Variants in LIMS1 observed in about 807,000 individuals in gnomAD.
LIMS1 encodes the protein LIM zinc finger domain containing 1.
Under a neutral mutation model 44.1 loss-of-function variants are expected in LIMS1, and 18 were observed. The observed-to-expected ratio is 0.41, with a 90% CI of 0.28 to 0.61. The LOEUF (loss-of-function observed/expected upper bound fraction) is 0.61. Ranked by LOEUF, LIMS1 falls within the 20% of genes least tolerant of loss-of-function variation. LIMS1 has a pLI of 0.32. For synonymous variants in LIMS1, 93 were observed against 149.1 expected (o/e 0.62, Z 2.74); for missense variants, 201 against 422.0 (o/e 0.48, Z 4.59).
intron 9 of LIMS1, among the ~76,000 whole-genome samples, chr2:108,681,903 A>T (rs1693026768): frequency 6.6e-6 from 1 of 152,106 alleles, no homozygotes. Context: ...AAAAAAAAAA[A>T]AATCTTTCAG....
At chr2:108,634,410 CAG>C (rs1256066296) in intron 1 of LIMS1, among the ~76,000 whole-genome samples, 1 of 152,198 alleles carries the variant, frequency 6.6e-6, no homozygotes, top group Non-Finnish European at 1.5e-5. Flanking sequence ...CATTTTGTAA[CAG>C]AAATTGTCCA....
intron 1 of LIMS1, among the ~76,000 whole-genome samples, chr2:108,596,288 A>G (rs1558801764): frequency 6.6e-6 from 1 of 152,242 alleles, no homozygotes; most frequent in Non-Finnish European, 1.5e-5. Flanking sequence ...GCTGTCTTTA[A>G]TTTCCAAAGG....
chr2:108,661,205 G>A (rs1319837401), intron 2 of LIMS1, among the ~76,000 whole-genome samples: 1 of 144,194 alleles, frequency 6.9e-6, no homozygotes, highest in Non-Finnish European at 1.5e-5. Context: ...TAAGGGTTTG[G>A]GTTAAGGAAT....
At chr2:108,566,400 T>G (rs1685290118) in intron 1 of LIMS1, among the ~76,000 whole-genome samples, 1 of 152,186 alleles carries the variant, frequency 6.6e-6, no homozygotes, top group Non-Finnish European at 1.5e-5. Flanking sequence ...TTCAGATCAC[T>G]TTTAAGATAT....
chr2:108,597,055 C>T (rs1370279838), intron 1 of LIMS1, among the ~76,000 whole-genome samples: 5 of 149,846 alleles, frequency 3.3e-5, no homozygotes, highest in Admixed American at 6.7e-5. Flanking sequence ...ATTACAGGCA[C>T]GTACCACCAC....
intron 1 of LIMS1, among the ~76,000 whole-genome samples, chr2:108,551,941 G>GTT (rs1330714338): frequency 2.2e-5 from 2 of 92,660 alleles, no homozygotes; most frequent in Non-Finnish European, 4.4e-5. Context: ...GTGTGTGTGT[G>GTT]TGTGTGTGTG....
rs571686208 is a variant in LIMS1 at position 108,540,399 on chromosome 2, C to T, written c.32+5805C>T. ...ATTTTTAGTAAAGACGGAGTTTCAC[C>T]GTGTTAGCCAGGATGGTCTCTACCT... On this transcript the variant is annotated intron_variant, in intron 1 of 9. Transcript: ENST00000544547. 4.6e-5 allele frequency among the ~76,000 whole-genome samples: 7 copies of T among 152,094 alleles called. No individual in the cohort carries two copies. The South Asian group carries it at 6.2e-4, about 14-fold the overall frequency.
At chr2:108,677,669 G>C (rs1049737840) in intron 7 of LIMS1, among the ~76,000 whole-genome samples, 4 of 152,068 alleles carry the variant, frequency 2.6e-5, no homozygotes, top group African/African-American at 9.7e-5. Flanking sequence ...CGCTCTGCCT[G>C]AGCAAGAACC....
At chr2:108,585,590 T>TCCC (rs1221620948) in intron 1 of LIMS1, among the ~76,000 whole-genome samples, 4 of 151,952 alleles carry the variant, frequency 2.6e-5, no homozygotes, top group Non-Finnish European at 4.4e-5. Context: ...TTTGTTGAAG[T>TCCC]CATCAGGGAG....
intron 1 of LIMS1, among the ~76,000 whole-genome samples, chr2:108,583,772 G>A (rs1447628704): frequency 1.4e-5 from 2 of 145,074 alleles, no homozygotes; most frequent in African/African-American, 5.1e-5. Flanking sequence ...TCAGCTTACT[G>A]CAACCTCTGC....
intron 1 of LIMS1, among the ~76,000 whole-genome samples, chr2:108,623,669 A>G (rs1230833620): frequency 1.3e-5 from 2 of 152,228 alleles, no homozygotes; most frequent in African/African-American, 4.8e-5. Flanking sequence ...TTTTCTCTCC[A>G]TGAACAATTA....
chr2:108,680,097 G>A (rs1049064302), intron 8 of LIMS1, among the ~76,000 whole-genome samples: 6 of 151,912 alleles, frequency 3.9e-5, no homozygotes, highest in Admixed American at 1.3e-4. Context: ...TAGGCCGGGC[G>A]CAGTGGCTCA....
At chr2:108,566,548 T>C (rs1441522062) in intron 1 of LIMS1, among the ~76,000 whole-genome samples, 1 of 152,168 alleles carries the variant, frequency 6.6e-6, no homozygotes, top group African/African-American at 2.4e-5. Context: ...CTCTTTCCAG[T>C]GTATCATGCT....
chr2:108,587,295 TGTG>T (rs1686154523), intron 1 of LIMS1, among the ~76,000 whole-genome samples: 1 of 26,852 alleles, frequency 3.7e-5, no homozygotes, highest in African/African-American at 8.4e-5. Flanking sequence ...GGGGTTTGTG[TGTG>T]TGTGTGTGTG....
chr2:108,534,836 C>G (rs1409064048), intron 1 of LIMS1, among the ~76,000 whole-genome samples: 1 of 152,094 alleles, frequency 6.6e-6, no homozygotes, highest in Non-Finnish European at 1.5e-5. Context: ...GACGCCGCCC[C>G]GCTGCTCCGA....
At chr2:108,666,913 T>C (rs1691798479) in intron 2 of LIMS1, among the ~76,000 whole-genome samples, 1 of 152,206 alleles carries the variant, frequency 6.6e-6, no homozygotes. Context: ...CTTCTCTGGC[T>C]GCACCACCCT....
intron 1 of LIMS1, among the ~76,000 whole-genome samples, chr2:108,604,910 T>A (rs1404107340): frequency 1.3e-5 from 2 of 152,230 alleles, no homozygotes; most frequent in Admixed American, 1.3e-4. Context: ...GCCACATAGT[T>A]CCTTTTTCAC....
chr2:108,601,615 G>A (rs1687020783), intron 1 of LIMS1, among the ~76,000 whole-genome samples: 2 of 152,272 alleles, frequency 1.3e-5, no homozygotes, highest in South Asian at 2.1e-4. Flanking sequence ...AGTGACCATT[G>A]TTTGTGTCCA....
At chr2:108,533,888 A>T (rs1028618776), upstream of LIMS1, 1 of 153,026 alleles carries the variant, frequency 6.5e-6, no homozygotes. Flanking sequence ...TGACCGATCC[A>T]GACCAGGTCC....
Sources: gnomAD v4.1 joint callset for allele counts (sites outside exome capture counted in the v4.1 genomes callset) on GRCh38, gnomAD v4.1.1 for gene constraint, MANE v1.5 for transcripts, NCBI Gene and HGNC (gene_info 2026-07-23, HGNC 2026-07-21) for gene names.